LRCH1: variants seen among roughly 807,000 people sequenced by gnomAD.
LRCH1 encodes leucine-rich repeat and calponin homology domain-containing protein 1.
Under a neutral mutation model 94.9 loss-of-function variants are expected in LRCH1, and 23 were observed. The ratio of observed to expected loss-of-function variants is 0.24; its 90% CI spans 0.17 to 0.34. The LOEUF (loss-of-function observed/expected upper bound fraction) is 0.34. Ranked by LOEUF, LRCH1 falls within the 10% of genes least tolerant of loss-of-function variation. The pLI is 1.00. For missense variants in LRCH1, 790 were observed against 945.9 expected, an observed-to-expected ratio of 0.84 and a Z score of 2.16; for synonymous variants, 364 against 354.9, an observed-to-expected ratio of 1.03 and a Z score of -0.29.
At chr13:46,727,876 G>A (rs767656174) in intron 17 of LRCH1, among the ~76,000 whole-genome samples, 34 of 151,800 alleles carry the variant, frequency 2.2e-4, no homozygotes, top group African/African-American at 3.6e-4. Flanking sequence ...TGATTTCTCA[G>A]CTAAAAATAG....
At chr13:46,560,442 C>A (rs1006556535) in intron 1 of LRCH1, among the ~76,000 whole-genome samples, 15 of 152,040 alleles carry the variant, frequency 9.9e-5, no homozygotes, top group African/African-American at 3.6e-4. Context: ...TTAGATATGG[C>A]AATTCCACCA....
Position 46,741,752 on chromosome 13 carries a change from C to T in LRCH1, c.2196C>T (p.Ala732=), listed in dbSNP as rs754163889. 1.9e-6 allele frequency: 3 copies of T among 1,614,204 alleles called. No individual in the cohort carries two copies. Among genetic ancestry groups the T allele is most frequent in the Non-Finnish European group, 2.5e-6 (3 of 1,180,038 alleles). ...AGAAAGCCCCACCACCAACTTCTGC[C>T]CTCCGCTCCAGGGACCTTATAGGCT... is the stretch of plus-strand genomic sequence containing the variant. ...LGEKAPPPTS[A]LRSRDLIGFC... is the part of the protein sequence containing the mutation. The change falls in exon 20 of 20, where the codon GCC becomes GCT. Residue 732 remains alanine (A), a synonymous_variant. Coordinates refer to ENST00000389797, the MANE Select transcript of LRCH1 (RefSeq NM_001164211.2).
At chr13:46,559,639 A>G (rs1029583049) in intron 1 of LRCH1, among the ~76,000 whole-genome samples, 2 of 152,216 alleles carry the variant, frequency 1.3e-5, no homozygotes, top group African/African-American at 4.8e-5. Context: ...AGGACATACT[A>G]ATCATGCTTC....
At position 46,635,760 on chromosome 13, in the gene LRCH1, C is replaced by T. The variant is rs188992473; in HGVS notation, c.308-14441C>T. Among the ~76,000 whole-genome samples the T allele has an allele frequency of 3.4e-3, 510 of 149,190 alleles. 1 individual carries two copies. Among genetic ancestry groups the T allele is most frequent in the Middle Eastern group, 0.023 (6 of 264 alleles). ...TGCTGGGATTACAGGCGTGAGCCAC[C>T]GCACCCGGCCCCCTCCCACCTTTTT... On this transcript the variant is annotated intron_variant, in intron 1 of 19. Coordinates refer to ENST00000389797, the MANE Select transcript of LRCH1 (RefSeq NM_001164211.2).
At chr13:46,625,889 G>C in intron 1 of LRCH1, among the ~76,000 whole-genome samples, 1 of 152,112 alleles carries the variant, frequency 6.6e-6, no homozygotes, top group South Asian at 2.1e-4. Context: ...CTGGAATCAA[G>C]TGATCTGCCC....
At chr13:46,654,225 C>T (rs1020639335) in intron 2 of LRCH1, among the ~76,000 whole-genome samples, 5 of 152,180 alleles carry the variant, frequency 3.3e-5, no homozygotes, top group African/African-American at 1.2e-4. Flanking sequence ...TACCACCCCA[C>T]TCCCAGCCAT....
intron 1 of LRCH1, among the ~76,000 whole-genome samples, chr13:46,585,572 CAAAA>C (rs75737018): frequency 1.5e-5 from 2 of 134,706 alleles, no homozygotes; most frequent in Admixed American, 7.3e-5. Flanking sequence ...AAAAAAAAAA[CAAAA>C]AAACGCATTT....
At chr13:46,712,664 G>A (rs1872130470) in intron 15 of LRCH1, 67 bp downstream of exon 15, 4 of 1,381,380 alleles carry the variant, frequency 2.9e-6, no homozygotes, top group South Asian at 1.2e-5. Context: ...CCTTTTAAGT[G>A]TATGCATTAT....
At chr13:46,691,149 G>A (rs1036779258) in intron 7 of LRCH1, among the ~76,000 whole-genome samples, 1 of 152,186 alleles carries the variant, frequency 6.6e-6, no homozygotes, top group Non-Finnish European at 1.5e-5. Context: ...ACAATCTCCT[G>A]AAATGTGTTT....
At chr13:46,747,893 A>G (rs1873975721), downstream of LRCH1, among the ~76,000 whole-genome samples, 1 of 152,096 alleles carries the variant, frequency 6.6e-6, no homozygotes. Flanking sequence ...GCACACCACC[A>G]TGTCCAGCTA....
chr13:46,639,998 ACTT>A (rs892249811), intron 1 of LRCH1, among the ~76,000 whole-genome samples: 3 of 152,156 alleles, frequency 2.0e-5, no homozygotes, highest in East Asian at 1.9e-4. Context: ...GCATCATCTT[ACTT>A]CTTCTTCCCA....
intron 6 of LRCH1, among the ~76,000 whole-genome samples, chr13:46,688,274 A>C (rs544942728): frequency 2.9e-4 from 44 of 152,338 alleles, no homozygotes; most frequent in African/African-American, 1.1e-3. Context: ...CATACTTATA[A>C]ATAAGATCTA....
At chr13:46,692,033 C>T (rs1432272137) in intron 7 of LRCH1, among the ~76,000 whole-genome samples, 1 of 152,170 alleles carries the variant, frequency 6.6e-6, no homozygotes, top group Non-Finnish European at 1.5e-5. Flanking sequence ...GAACGCATAG[C>T]AAGAACTGCA....
chr13:46,715,502 T>A (rs1354066559), intron 15 of LRCH1, 58 bp from the exon 16 acceptor site: 1 of 901,240 alleles, frequency 1.1e-6, no homozygotes, highest in African/African-American at 1.6e-5. Flanking sequence ...GCTGCCCCTT[T>A]GGTTTTTCCT....
At chr13:46,603,902 C>G (rs2050659337) in intron 1 of LRCH1, among the ~76,000 whole-genome samples, 1 of 152,226 alleles carries the variant, frequency 6.6e-6, no homozygotes, top group South Asian at 2.1e-4. Flanking sequence ...AGCAATCCTC[C>G]TGCCTTGGCC....
intron 1 of LRCH1, among the ~76,000 whole-genome samples, chr13:46,606,493 C>T (rs555105449): frequency 6.6e-6 from 1 of 152,268 alleles, no homozygotes; most frequent in Non-Finnish European, 1.5e-5. Flanking sequence ...TGTTCCTACC[C>T]ACAGGATTTT....
At chr13:46,643,500 T>C (rs2051184088) in intron 1 of LRCH1, among the ~76,000 whole-genome samples, 2 of 152,150 alleles carry the variant, frequency 1.3e-5, no homozygotes, top group Non-Finnish European at 2.9e-5. Context: ...GACAGAAAAA[T>C]TTTGAACATG....
chr13:46,567,243 TC>T (rs1483697636), intron 1 of LRCH1, among the ~76,000 whole-genome samples: 1 of 152,190 alleles, frequency 6.6e-6, no homozygotes, highest in Non-Finnish European at 1.5e-5. Context: ...GTAATAAGAA[TC>T]ATCAATTTGA....
At chr13:46,564,477 C>T (rs1270391868) in intron 1 of LRCH1, among the ~76,000 whole-genome samples, 1 of 152,184 alleles carries the variant, frequency 6.6e-6, no homozygotes, top group East Asian at 1.9e-4. Context: ...ATAATTCTCT[C>T]CCCTCTGGCC....
Sources: allele counts gnomAD v4.1 joint callset (sites outside exome capture counted in the v4.1 genomes callset), GRCh38; gene constraint gnomAD v4.1.1; transcripts MANE v1.5; gene names NCBI Gene and HGNC (gene_info 2026-07-23, HGNC 2026-07-21).